TNKS2: variants seen among roughly 807,000 people sequenced by gnomAD.
The protein encoded by TNKS2 is poly [ADP-ribose] polymerase tankyrase-2.
In TNKS2, 72 loss-of-function variants were observed where a neutral mutation model predicts 137.6. The observed-to-expected ratio is 0.52, with a 90% CI of 0.43 to 0.64. The LOEUF (loss-of-function observed/expected upper bound fraction) is 0.64, where lower values mean the gene tolerates loss of function less well. Ranked by LOEUF, TNKS2 falls within the 30% of genes least tolerant of loss-of-function variation. TNKS2 has a pLI of 0.00. For synonymous variants in TNKS2, 516 were observed against 512.1 expected, an observed-to-expected ratio of 1.01 and a Z score of -0.10; for missense variants, 1,049 against 1,410.2, an observed-to-expected ratio of 0.74 and a Z score of 4.10.
intron 25 of TNKS2, among the ~76,000 whole-genome samples, chr10:91,860,291 C>G (rs1842819687): frequency 6.6e-6 from 1 of 152,066 alleles, no homozygotes; most frequent in African/African-American, 2.4e-5. Flanking sequence ...AAGATTAATT[C>G]CTGAGATTTA....
intron 1 of TNKS2, among the ~76,000 whole-genome samples, chr10:91,811,383 A>G (rs1028838113): frequency 2.6e-5 from 4 of 151,764 alleles, no homozygotes. Flanking sequence ...AGGTGTCATC[A>G]CTGGAATTGC....
intron 1 of TNKS2, among the ~76,000 whole-genome samples, chr10:91,805,086 A>C (rs1199779254): frequency 6.8e-6 from 1 of 146,346 alleles, no homozygotes; most frequent in African/African-American, 2.6e-5. Context: ...CAATCTAAAG[A>C]TTTCGCCAAA....
At chr10:91,800,514 G>A (rs1164732878) in intron 1 of TNKS2, among the ~76,000 whole-genome samples, 1 of 152,196 alleles carries the variant, frequency 6.6e-6, no homozygotes, top group Non-Finnish European at 1.5e-5. Flanking sequence ...CAGTGACCTT[G>A]TTCCTTCTCT....
At chr10:91,842,564 A>G (rs1482054023) in intron 16 of TNKS2, among the ~76,000 whole-genome samples, 173 bp downstream of exon 16, 1 of 152,148 alleles carries the variant, frequency 6.6e-6, no homozygotes, top group African/African-American at 2.4e-5. Context: ...GCTTGAGCCC[A>G]GGAATTTGAG....
chr10:91,834,089 G>T (rs1038463938), intron 12 of TNKS2, 65 bp downstream of exon 12: 2 of 1,329,700 alleles, frequency 1.5e-6, no homozygotes, highest in African/African-American at 1.5e-5. Flanking sequence ...CACATATCAG[G>T]TATTATAGGT....
rs1389036251 is a variant in TNKS2, at chr10:91,849,600, T to C, written c.2694+6T>C. 1.3e-6 allele frequency: 2 copies of C among 1,589,704 alleles called. No individual in the cohort carries two copies. The highest frequency in any genetic ancestry group is 1.7e-6 in the Non-Finnish European group (2 of 1,169,802). On this transcript the variant is annotated splice_donor_region_variant and intron_variant, in intron 20 of 26. Coordinates refer to ENST00000371627, the MANE Select transcript of TNKS2 (RefSeq NM_025235.4). ...ATATATTTGAGAGAGAACAGGTGAG[T>C]AGATAAATCATATTGTTTGGATTAG...
intron 16 of TNKS2, among the ~76,000 whole-genome samples, chr10:91,842,858 G>A (rs1167754568): frequency 1.3e-5 from 2 of 152,174 alleles, no homozygotes; most frequent in Non-Finnish European, 2.9e-5. Context: ...GACCGTACTT[G>A]AAGCTATTAG....
chr10:91,860,400 A>T (rs2133686249), intron 25 of TNKS2, among the ~76,000 whole-genome samples: 1 of 152,308 alleles, frequency 6.6e-6, no homozygotes, highest in South Asian at 2.1e-4. Context: ...TAAATCACAG[A>T]TTCTTAGGCT....
intron 25 of TNKS2, among the ~76,000 whole-genome samples, 184 bp downstream of exon 25, chr10:91,859,832 A>G (rs1033038578): frequency 6.6e-6 from 1 of 152,240 alleles, no homozygotes; most frequent in Non-Finnish European, 1.5e-5. Context: ...GTATGGGCCA[A>G]TTATAATTTA....
chr10:91,856,445 A>G (rs1181843116), intron 23 of TNKS2, among the ~76,000 whole-genome samples: 2 of 152,194 alleles, frequency 1.3e-5, no homozygotes, highest in Non-Finnish European at 2.9e-5. Context: ...ATAACATACT[A>G]TGAGTATAAT....
At chr10:91,823,921 GGC>G (rs1844988288) in intron 7 of TNKS2, among the ~76,000 whole-genome samples, 2 of 152,118 alleles carry the variant, frequency 1.3e-5, no homozygotes, top group African/African-American at 4.8e-5. Flanking sequence ...CTTATAATGT[GGC>G]TGTAATGTTA....
rs1564632881 is a variant in TNKS2, at chr10:91,861,993, T to A, written c.3282-6T>A. On this transcript the variant is annotated splice_region_variant and splice_polypyrimidine_tract_variant and intron_variant, in intron 25 of 26. Coordinates refer to ENST00000371627, the MANE Select transcript of TNKS2 (RefSeq NM_025235.4). ...TCAGGGTGATCTTTTCCTTTTCGTT[T>A]TATAGGCAGCTGCTCTTTTGCCGGG... 1 of 1,602,870 alleles carries A rather than the reference T, an allele frequency of 6.2e-7. No homozygotes were observed. Among genetic ancestry groups the A allele is most frequent in the Non-Finnish European group, 8.5e-7 (1 of 1,174,484 alleles).
Position 91,798,564 on chromosome 10 carries a change from A to C in TNKS2, c.-127A>C. On this transcript the variant is annotated 5_prime_UTR_variant, in exon 1 of 27. Transcript: ENST00000371627. ...ATGGGACTGCGCCGGATCCGGTGAC[A>C]GCAGGGAGCCAAGCGGCCCGGGCCC... The C allele has an allele frequency of 9.2e-7, 1 of 1,092,836 alleles. No homozygotes were observed. The highest frequency in any genetic ancestry group is 1.1e-6 in the Non-Finnish European group (1 of 872,526). 67.7% of individuals were successfully genotyped at this position (1,092,836 alleles called of 1,614,324 possible).
At chr10:91,858,194 T>C (rs916474210) in intron 24 of TNKS2, among the ~76,000 whole-genome samples, 5 of 152,134 alleles carry the variant, frequency 3.3e-5, no homozygotes, top group African/African-American at 1.2e-4. Context: ...GCAGAAAAAT[T>C]TTAGAGACCT....
intron 13 of TNKS2, among the ~76,000 whole-genome samples, chr10:91,840,051 A>G (rs1375210620): frequency 3.9e-5 from 6 of 152,162 alleles, no homozygotes; most frequent in Admixed American, 3.9e-4. Flanking sequence ...ATATAAAGGC[A>G]TACGTGAGAC....
In TNKS2 at chr10:91,865,300, T is replaced by A. The variant is rs1350249615; in HGVS notation, c.*2301T>A. 1.3e-5 allele frequency: 2 copies of A among 152,644 alleles called. No homozygotes were observed. Among genetic ancestry groups the A allele is most frequent in the African/African-American group, 4.8e-5 (2 of 41,450 alleles). The allele number at this position is 152,644 out of a possible 1,614,324, so 9.5% of individuals were successfully genotyped here. ...TTTTTCTGGGTAGCATGGTAATTACTGGAATAGTATAAATGTGTTGAATGG... is the reference window on the plus strand; with the variant it reads ...TTTTTCTGGGTAGCATGGTAATTACAGGAATAGTATAAATGTGTTGAATGG... On this transcript the variant is annotated 3_prime_UTR_variant, in exon 27 of 27. Transcript: ENST00000371627.
chr10:91,828,162 C>A, intron 8 of TNKS2, 123 bp from the exon 9 acceptor site: 1 of 1,068,072 alleles, frequency 9.4e-7, no homozygotes. Flanking sequence ...ATCTTTAGAG[C>A]CTCAATCTGG....
At chr10:91,846,333 G>A (rs574901680) in intron 18 of TNKS2, among the ~76,000 whole-genome samples, 2 of 152,284 alleles carry the variant, frequency 1.3e-5, no homozygotes, top group African/African-American at 4.8e-5. Context: ...CCCCCAAGGT[G>A]CAGCCACAAA....
intron 7 of TNKS2, 103 bp downstream of exon 7, chr10:91,822,465 G>A: frequency 1.1e-6 from 1 of 871,454 alleles, no homozygotes; most frequent in South Asian, 1.8e-5. Context: ...TGTTCTTAGT[G>A]CTTAAAAAAG....
Sources: allele counts gnomAD v4.1 joint callset (sites outside exome capture counted in the v4.1 genomes callset), GRCh38; gene constraint gnomAD v4.1.1; transcripts MANE v1.5; gene names NCBI Gene and HGNC (gene_info 2026-07-23, HGNC 2026-07-21).